The following PIWIL3 variants were observed in gnomAD, a reference collection of about 807,000 sequenced individuals.
PIWIL3 encodes piwi like RNA-mediated gene silencing 3.
In PIWIL3, 101 loss-of-function variants were observed where a neutral mutation model predicts 109.7. The ratio of observed to expected loss-of-function variants is 0.92; its 90% confidence interval spans 0.78 to 1.09. The LOEUF (loss-of-function observed/expected upper bound fraction) is 1.09, where lower values mean the gene tolerates loss of function less well. Among genes scored for constraint, PIWIL3 ranks in the 50% least tolerant of loss-of-function variants. The pLI is 0.00. For missense variants in PIWIL3, 1,031 were observed against 1,072.6 expected, an observed-to-expected ratio of 0.96 and a Z score of 0.54; for synonymous variants, 373 against 376.4, an observed-to-expected ratio of 0.99 and a Z score of 0.10.
At chr22:24,754,464 C>T (rs1186243644) in intron 7 of PIWIL3, among the ~76,000 whole-genome samples, 1 of 151,562 alleles carries the variant, frequency 6.6e-6, no homozygotes, top group Non-Finnish European at 1.5e-5. Flanking sequence ...GTTTAATATA[C>T]ACATATACCA....
intron 2 of PIWIL3, 117 bp downstream of exon 2, chr22:24,762,281 T>G: frequency 1.4e-6 from 2 of 1,427,254 alleles, no homozygotes; most frequent in Non-Finnish European, 1.8e-6. Context: ...TTATGAACTT[T>G]TATTAGTCCT....
At chr22:24,769,291 G>A (rs1195623005) in intron 1 of PIWIL3, among the ~76,000 whole-genome samples, 1 of 152,108 alleles carries the variant, frequency 6.6e-6, no homozygotes, top group Admixed American at 6.6e-5. Flanking sequence ...GGGCCACATT[G>A]GAAGAATTGT....
intron 1 of PIWIL3, among the ~76,000 whole-genome samples, chr22:24,764,088 C>T (rs1232143868): frequency 6.6e-6 from 1 of 152,240 alleles, no homozygotes; most frequent in Non-Finnish European, 1.5e-5. Context: ...CGGACCAGCC[C>T]AGCCTCCCGC....
In PIWIL3 at chr22:24,753,950, A is replaced by G. The variant is rs1289105228; in HGVS notation, c.977+64T>C. On this transcript the variant is annotated intron_variant, in intron 8 of 20. Coordinates refer to ENST00000616349, the MANE Select transcript of PIWIL3 (RefSeq NM_001255975.1). ...TTAGTGATTAGAAAACTATAGGACC[A>G]TCTCTTGGGGTGGGGGAAGGGGGAG... 44 of 1,383,072 alleles carry G rather than the reference A, an allele frequency of 3.2e-5. No homozygotes were observed. The South Asian group carries it at 5.2e-4, about 16-fold the overall frequency. 85.7% of individuals were successfully genotyped at this position (1,383,072 alleles called of 1,614,324 possible).
intron 1 of PIWIL3, among the ~76,000 whole-genome samples, chr22:24,772,006 A>G (rs1304441900): frequency 6.6e-6 from 1 of 152,168 alleles, no homozygotes; most frequent in Non-Finnish European, 1.5e-5. Flanking sequence ...ATTTCTCTTA[A>G]TGAACAAGCT....
chr22:24,725,500 A>G lies in PIWIL3; in HGVS notation c.2025T>C (p.Cys675=), dbSNP rs566098620. The change falls in exon 17 of 21, where the codon TGT becomes TGC. Residue 675 remains cysteine, a synonymous_variant. Transcript: ENST00000616349. ...NAELTKWYSQ[C]VIQKTGEELV... ...GCTCTTCTCCTGTTTTCTGGATGAC[A>G]CATTGAGAGTACCACCTGTTCACAG... 6.2e-7 allele frequency: 1 copy of G among 1,614,120 alleles called. No individual in the cohort carries two copies. Among genetic ancestry groups the G allele is most frequent in the Non-Finnish European group, 8.5e-7 (1 of 1,180,044 alleles).
chr22:24,729,944 T>C (rs1923237272), intron 14 of PIWIL3, among the ~76,000 whole-genome samples: 1 of 152,044 alleles, frequency 6.6e-6, no homozygotes, highest in South Asian at 2.1e-4. Flanking sequence ...TTTTTTTTTT[T>C]TTTTAGCTTT....
At chr22:24,743,281 C>G (rs542688536) in intron 12 of PIWIL3, among the ~76,000 whole-genome samples, 27 of 152,202 alleles carry the variant, frequency 1.8e-4, no homozygotes, top group African/African-American at 6.3e-4. Flanking sequence ...CTCTGGAAAA[C>G]AGTGTAGAGA....
chr22:24,762,162 C>G (rs1925476973), intron 2 of PIWIL3: 1 of 928,970 alleles, frequency 1.1e-6, no homozygotes, highest in Admixed American at 4.4e-5. Context: ...CCACTTTGGG[C>G]TGAAAGTCAG....
chr22:24,757,643 T>G (rs1485376718), intron 4 of PIWIL3, among the ~76,000 whole-genome samples: 1 of 92,222 alleles, frequency 1.1e-5, no homozygotes, highest in African/African-American at 4.1e-5. Flanking sequence ...CACACATATA[T>G]AAAATATGTA....
At chr22:24,740,402 G>T (rs1302540603) in intron 12 of PIWIL3, among the ~76,000 whole-genome samples, 1 of 151,410 alleles carries the variant, frequency 6.6e-6, no homozygotes, top group African/African-American at 2.4e-5. Context: ...CAAAAAATTA[G>T]CCAGACATGG....
chr22:24,769,904 C>T (rs551348381), intron 1 of PIWIL3: 22 of 152,094 alleles, frequency 1.4e-4, no homozygotes, highest in African/African-American at 4.6e-4. Context: ...AGAAAGTTTA[C>T]GAAATTCAAA....
Position 24,734,124 on chromosome 22 carries a change from A to G in PIWIL3, c.1667T>C (p.Ile556Thr), listed in dbSNP as rs1923513798. ...IEVDGDANSY[I>T]DTLRKYTRPT... ...TCTAGTATATTTCCGTAATGTGTCT[A>G]TATAGGAGTTAGCATCACCATCTAC... The change falls in exon 14 of 21, where the codon ATA (isoleucine) becomes ACA (threonine). Residue 556 changes from isoleucine (I) to threonine (T), a missense_variant. Transcript: ENST00000616349. 6.2e-7 allele frequency: 1 copy of G among 1,613,130 alleles called. No homozygotes were observed.
In PIWIL3 at chr22:24,749,505, T is replaced by C. The variant is rs749937408; in HGVS notation, c.1233A>G (p.Ile411Met). ...LCHMTGLTDE[I>M]CKDYSIVKEL... ...CTTTCACAATGCTATAATCTTTACATATTTCATCTGTTAGACCTTTAAAAA... is the reference window on the plus strand; with the variant it reads ...CTTTCACAATGCTATAATCTTTACACATTTCATCTGTTAGACCTTTAAAAA... Residue 411 changes from isoleucine to methionine, a missense_variant, in exon 11 of 21, where the codon ATA (isoleucine) becomes ATG (methionine). Transcript: ENST00000616349. The C allele has an allele frequency of 1.9e-6, 3 of 1,613,352 alleles. No individual in the cohort carries two copies. Among genetic ancestry groups the C allele is most frequent in the Non-Finnish European group, 2.5e-6 (3 of 1,179,982 alleles).
chr22:24,771,722 A>G (rs549080174), intron 1 of PIWIL3, among the ~76,000 whole-genome samples: 3 of 146,658 alleles, frequency 2.0e-5, no homozygotes, highest in Non-Finnish European at 3.0e-5. Flanking sequence ...ATTGAAGACT[A>G]TTTCTCTCTC....
At position 24,719,800 on chromosome 22, in the gene PIWIL3, T is replaced by C; in HGVS notation, c.2453A>G (p.Asp818Gly). 6.2e-7 allele frequency: 1 copy of C among 1,613,186 alleles called. No homozygotes were observed. Among genetic ancestry groups the C allele is most frequent in the Non-Finnish European group, 8.5e-7 (1 of 1,179,132 alleles). ...VIYDTIGLSP[D>G]TVQRLTYCLC... ...ACAATATGTTAAACGCTGTACTGTA[T>C]CTGGGCTCAAGCCAATCGTGTCATA... is the stretch of plus-strand genomic sequence containing the variant. Residue 818 changes from aspartate to glycine, a missense_variant, in exon 20 of 21, where the codon GAT (aspartate) becomes GGT (glycine). By Grantham distance (94) the Asp-to-Gly change is moderately conservative. Coordinates refer to ENST00000616349, the MANE Select transcript of PIWIL3 (RefSeq NM_001255975.1).
chr22:24,722,453 C>T (rs1041406538), intron 19 of PIWIL3, among the ~76,000 whole-genome samples: 2 of 151,880 alleles, frequency 1.3e-5, no homozygotes, highest in Non-Finnish European at 2.9e-5. Flanking sequence ...TGGCTCACAC[C>T]TGTAATCCCA....
At chr22:24,740,918 G>A in intron 12 of PIWIL3, among the ~76,000 whole-genome samples, 1 of 152,162 alleles carries the variant, frequency 6.6e-6, no homozygotes, top group East Asian at 1.9e-4. Flanking sequence ...TATGAAGCCA[G>A]TATCACCCTA....
intron 16 of PIWIL3, among the ~76,000 whole-genome samples, chr22:24,726,283 CTTTCT>C (rs1025436831): frequency 1.5e-4 from 23 of 150,692 alleles, no homozygotes; most frequent in Non-Finnish European, 3.0e-4. Context: ...TATTTTCTTT[CTTTCT>C]TTTTTTTTTT....
Sources: allele counts gnomAD v4.1 joint callset (sites outside exome capture counted in the v4.1 genomes callset), GRCh38; gene constraint gnomAD v4.1.1; transcripts MANE v1.5; gene names NCBI Gene and HGNC (gene_info 2026-07-23, HGNC 2026-07-21).